RIT2: variants seen among roughly 807,000 people sequenced by gnomAD.
The protein encoded by RIT2 is Ras like without CAAX 2.
Under a neutral mutation model 23.7 loss-of-function variants are expected in RIT2, and 24 were observed. That is an observed-to-expected ratio of 1.01 (90% CI 0.73 to 1.43). The LOEUF is 1.43. Among genes scored for constraint, RIT2 ranks in the 40% most tolerant of loss-of-function variants. RIT2 has a pLI of 0.00. For synonymous variants in RIT2, 107 were observed against 91.1 expected (o/e 1.17, Z -0.99); for missense variants, 236 against 266.9 (o/e 0.88, Z 0.81).
chr18:42,882,343 A>G (rs972452730), intron 4 of RIT2, among the ~76,000 whole-genome samples: 4 of 152,196 alleles, frequency 2.6e-5, no homozygotes, highest in African/African-American at 9.7e-5. Flanking sequence ...TTGGAGGCTG[A>G]CAATTTTCCA....
chr18:42,834,096 C>T (rs1009804023), intron 4 of RIT2, among the ~76,000 whole-genome samples: 4 of 152,082 alleles, frequency 2.6e-5, no homozygotes, highest in Non-Finnish European at 5.9e-5. Context: ...GGAGTGGACT[C>T]CATCAGACTG....
intron 1 of RIT2, among the ~76,000 whole-genome samples, chr18:43,096,782 T>C (rs1913564522): frequency 6.6e-6 from 1 of 151,904 alleles, no homozygotes; most frequent in Non-Finnish European, 1.5e-5. Flanking sequence ...AAGAAATTCA[T>C]ACTCAAAAAG....
At chr18:42,759,781 A>ATAT (rs1913258133) in intron 4 of RIT2, among the ~76,000 whole-genome samples, 2 of 148,432 alleles carry the variant, frequency 1.3e-5, no homozygotes, top group Non-Finnish European at 3.0e-5. Flanking sequence ...ATATATATAT[A>ATAT]AATTTTTTTT....
At chr18:43,043,360 G>A (rs1470938569) in intron 1 of RIT2, among the ~76,000 whole-genome samples, 2 of 152,062 alleles carry the variant, frequency 1.3e-5, no homozygotes, top group African/African-American at 4.8e-5. Context: ...CCTCTTACCT[G>A]AAAATTTATG....
intron 1 of RIT2, among the ~76,000 whole-genome samples, chr18:43,061,422 AG>A (rs1455856507): frequency 1.3e-5 from 2 of 152,176 alleles, no homozygotes; most frequent in South Asian, 4.1e-4. Context: ...ACTCTTTTTC[AG>A]GGTTGGGTAT....
chr18:43,078,388 TCTTC>T (rs1913074325), intron 1 of RIT2, among the ~76,000 whole-genome samples: 1 of 152,170 alleles, frequency 6.6e-6, no homozygotes, highest in Non-Finnish European at 1.5e-5. Flanking sequence ...TTCCAGCTAG[TCTTC>T]CTTCCAGGTA....
intron 4 of RIT2, among the ~76,000 whole-genome samples, chr18:42,865,775 C>G (rs1033981771): frequency 3.9e-5 from 6 of 152,084 alleles, no homozygotes; most frequent in Non-Finnish European, 5.9e-5. Context: ...TAACTCTGAG[C>G]CTCCCCCGCC....
chr18:42,747,929 A>G (rs922976916), intron 4 of RIT2, among the ~76,000 whole-genome samples: 16 of 152,152 alleles, frequency 1.1e-4, no homozygotes, highest in South Asian at 2.1e-4. Flanking sequence ...CTGAAAACAT[A>G]AAAATTATAG....
At chr18:43,087,358 T>C (rs1913309637) in intron 1 of RIT2, among the ~76,000 whole-genome samples, 1 of 152,118 alleles carries the variant, frequency 6.6e-6, no homozygotes, top group Non-Finnish European at 1.5e-5. Context: ...TGTGTTCCAA[T>C]ATGTCCTTAC....
chr18:42,929,034 G>GATATATATATAT (rs770619793), intron 3 of RIT2, among the ~76,000 whole-genome samples: 11,737 of 96,506 alleles, frequency 0.12, 811 homozygotes, highest in East Asian at 0.19. Flanking sequence ...AAAATATGGA[G>GATATATATATAT]ATATATATAT....
intron 4 of RIT2, among the ~76,000 whole-genome samples, chr18:42,911,862 A>T (rs1333166871): frequency 6.6e-6 from 1 of 151,864 alleles, no homozygotes; most frequent in African/African-American, 2.4e-5. Context: ...CCAAATATTC[A>T]AAAAAGAGTT....
intron 4 of RIT2, among the ~76,000 whole-genome samples, chr18:42,756,133 T>C (rs1315394429): frequency 6.6e-6 from 1 of 152,022 alleles, no homozygotes; most frequent in Non-Finnish European, 1.5e-5. Context: ...TCAGAGGCAA[T>C]TAGTGAGTTT....
intron 4 of RIT2, among the ~76,000 whole-genome samples, chr18:42,914,763 G>A (rs1445856326): frequency 1.3e-5 from 2 of 151,888 alleles, no homozygotes; most frequent in African/African-American, 4.8e-5. Context: ...ACACATGCAT[G>A]AGTACATGTA....
chr18:43,080,507 C>CA (rs768258872), intron 1 of RIT2, among the ~76,000 whole-genome samples: 4 of 151,800 alleles, frequency 2.6e-5, no homozygotes, highest in African/African-American at 4.8e-5. Flanking sequence ...AGCTGAATGA[C>CA]AAAAAAAACC....
chr18:43,034,805 C>T (rs1471142168), intron 1 of RIT2, among the ~76,000 whole-genome samples: 1 of 152,174 alleles, frequency 6.6e-6, no homozygotes. Flanking sequence ...CTCTGTCCTA[C>T]CTTCAACAAG....
intron 2 of RIT2, 34 bp from the exon 3 acceptor site, chr18:42,974,181 G>GTTGTC: frequency 6.9e-7 from 1 of 1,450,808 alleles, no homozygotes; most frequent in Non-Finnish European, 9.6e-7. Flanking sequence ...ACATTTAAAT[G>GTTGTC]TGACAGGAAA....
intron 2 of RIT2, among the ~76,000 whole-genome samples, chr18:42,976,811 C>T (rs942576108): frequency 2.6e-5 from 4 of 151,886 alleles, no homozygotes; most frequent in Non-Finnish European, 5.9e-5. Flanking sequence ...ACTAGAGGCA[C>T]AGAAAGAAGA....
intron 4 of RIT2, among the ~76,000 whole-genome samples, chr18:42,857,234 CATT>C (rs1907211550): frequency 1.3e-5 from 2 of 152,160 alleles, no homozygotes; most frequent in Admixed American, 1.3e-4. Flanking sequence ...CACAGCAAAA[CATT>C]ATGTGTCCTA....
chr18:42,956,446 G>A (rs1909971985), intron 3 of RIT2, among the ~76,000 whole-genome samples: 1 of 152,108 alleles, frequency 6.6e-6, no homozygotes, highest in Non-Finnish European at 1.5e-5. Flanking sequence ...GACTATTTGG[G>A]CTTTGTGGAA....
Sources: gnomAD v4.1 joint callset for allele counts (sites outside exome capture counted in the v4.1 genomes callset) on GRCh38, gnomAD v4.1.1 for gene constraint, MANE v1.5 for transcripts, NCBI Gene and HGNC (gene_info 2026-07-23, HGNC 2026-07-21) for gene names.